The following OLFML2B variants were observed in gnomAD, a reference collection of about 807,000 sequenced individuals.
The protein encoded by OLFML2B is olfactomedin like 2B.
In OLFML2B, 57 loss-of-function variants were observed where a neutral mutation model predicts 74.9. That is an observed-to-expected ratio of 0.76 (90% CI 0.61 to 0.95). OLFML2B has a LOEUF of 0.95. Among genes scored for constraint, OLFML2B ranks in the 40% least tolerant of loss-of-function variants. The pLI, the probability that OLFML2B is intolerant of heterozygous loss-of-function variation, is 0.00. For synonymous variants in OLFML2B, 388 were observed against 405.8 expected (o/e 0.96, Z 0.53); for missense variants, 986 against 970.6 (o/e 1.02, Z -0.21).
At chr1:162,002,011 G>C (rs193212912) in intron 4 of OLFML2B, among the ~76,000 whole-genome samples, 2 of 152,332 alleles carry the variant, frequency 1.3e-5, no homozygotes, top group East Asian at 1.9e-4. Flanking sequence ...GCTGCCCAAG[G>C]AGGAGCCCCT....
intron 4 of OLFML2B, 52 bp downstream of exon 4, chr1:162,006,245 T>C (rs1419662065): frequency 2.0e-6 from 3 of 1,478,926 alleles, no homozygotes; most frequent in Admixed American, 4.9e-5. Context: ...GAGATGCTGA[T>C]ATCACACTTC....
At chr1:161,994,180 G>A (rs992931700) in intron 6 of OLFML2B, among the ~76,000 whole-genome samples, 1 of 152,234 alleles carries the variant, frequency 6.6e-6, no homozygotes, top group Non-Finnish European at 1.5e-5. Context: ...TGTGGAGCTG[G>A]GGCTGGGGGA....
At chr1:161,988,085 C>T (rs1407378778) in intron 6 of OLFML2B, among the ~76,000 whole-genome samples, 1 of 152,184 alleles carries the variant, frequency 6.6e-6, no homozygotes, top group East Asian at 1.9e-4. Flanking sequence ...GGAGAAAGTT[C>T]AAAGGAACTG....
chr1:161,986,060 T>C (rs1010801229), intron 6 of OLFML2B, among the ~76,000 whole-genome samples: 5 of 152,150 alleles, frequency 3.3e-5, no homozygotes, highest in Non-Finnish European at 5.9e-5. Context: ...TTGTGGATTA[T>C]GGAGGAGGTG....
chr1:162,017,778 T>C (rs1690586187), intron 2 of OLFML2B, among the ~76,000 whole-genome samples: 1 of 152,230 alleles, frequency 6.6e-6, no homozygotes. Flanking sequence ...AAACTGTTTA[T>C]ACCTCTTTTA....
intron 3 of OLFML2B, among the ~76,000 whole-genome samples, chr1:162,011,361 G>T (rs34415944): frequency 8.3e-4 from 127 of 152,308 alleles, no homozygotes; most frequent in Admixed American, 2.9e-3. Context: ...TGGACCCAAG[G>T]GGGGAGGGCT....
intron 6 of OLFML2B, among the ~76,000 whole-genome samples, chr1:161,996,969 G>A (rs928328655): frequency 1.6e-4 from 24 of 152,112 alleles, no homozygotes; most frequent in African/African-American, 5.6e-4. Flanking sequence ...CATCCTGGCT[G>A]ACATGGTGAA....
intron 3 of OLFML2B, among the ~76,000 whole-genome samples, chr1:162,011,365 G>T (rs1177526135): frequency 3.9e-5 from 6 of 152,188 alleles, no homozygotes; most frequent in Admixed American, 3.9e-4. Flanking sequence ...CCCAAGGGGG[G>T]AGGGCTCGTA....
At chr1:162,013,891 A>AACAC (rs59665350) in intron 3 of OLFML2B, among the ~76,000 whole-genome samples, 186 of 143,244 alleles carry the variant, frequency 1.3e-3, no homozygotes, top group African/African-American at 3.6e-3. Context: ...AAAAAAGCCC[A>AACAC]ACACACACAC....
rs533765785 is a variant in OLFML2B, at chr1:162,006,679, G to A, written c.547-206C>T. 1.2e-4 allele frequency among the ~76,000 whole-genome samples: 18 copies of A among 152,232 alleles called. 1 individual carries two copies. The South Asian group carries it at 2.1e-3, about 18-fold the overall frequency. ...GGCAGTATTTCCAGGGCAGCTCAGC[G>A]CTTGGATATCCAACTACAGAAAATA... On this transcript the variant is annotated intron_variant, in intron 3 of 7. Transcript: ENST00000294794.
At chr1:162,017,312 A>G in intron 3 of OLFML2B, 88 bp downstream of exon 3, 1 of 929,060 alleles carries the variant, frequency 1.1e-6, no homozygotes, top group South Asian at 1.4e-5. Flanking sequence ...TAGTCAGCAC[A>G]TGTGCTAGCT....
At chr1:162,017,236 T>G (rs755987058) in intron 3 of OLFML2B, among the ~76,000 whole-genome samples, 164 bp downstream of exon 3, 45 of 152,234 alleles carry the variant, frequency 3.0e-4, no homozygotes, top group Non-Finnish European at 5.4e-4. Context: ...CACCAACAAT[T>G]TGGCATAATT....
intron 3 of OLFML2B, among the ~76,000 whole-genome samples, chr1:162,014,770 C>T (rs980293099): frequency 1.3e-5 from 2 of 152,198 alleles, no homozygotes; most frequent in Non-Finnish European, 1.5e-5. Context: ...CACTTCAGCA[C>T]CCTATCACCT....
chr1:162,012,264 G>T (rs896045463), intron 3 of OLFML2B, among the ~76,000 whole-genome samples: 1 of 152,154 alleles, frequency 6.6e-6, no homozygotes, highest in Non-Finnish European at 1.5e-5. Flanking sequence ...GAAAGGTAGG[G>T]CTTGGAAAGA....
At chr1:161,989,551 G>A (rs999847803) in intron 6 of OLFML2B, among the ~76,000 whole-genome samples, 7 of 152,168 alleles carry the variant, frequency 4.6e-5, no homozygotes, top group Admixed American at 1.3e-4. Context: ...GGTATTCACC[G>A]TAAACCCAGG....
intron 6 of OLFML2B, among the ~76,000 whole-genome samples, chr1:161,986,982 A>G (rs1330256576): frequency 6.6e-6 from 1 of 152,240 alleles, no homozygotes; most frequent in Non-Finnish European, 1.5e-5. Context: ...TCGTCTGTGC[A>G]GCTCCAGCAG....
Position 161,998,262 on chromosome 1 carries a change from G to A in OLFML2B, c.1037C>T (p.Thr346Ile), listed in dbSNP as rs1429007720. 1.9e-6 allele frequency: 3 copies of A among 1,609,034 alleles called. No individual in the cohort carries two copies. The highest frequency in any genetic ancestry group is 3.3e-5 in the Admixed American group (2 of 59,912). Residue 346 changes from threonine to isoleucine, a missense_variant, in exon 6 of 8, where the codon ACC becomes ATC. Coordinates refer to ENST00000294794, the MANE Select transcript of OLFML2B (RefSeq NM_015441.3). The part of the protein sequence containing the change: ...LRHNGLMTSV[T>I]RRPAATRQGH... ...CTGACGGGTGGCTGCAGGCCTCCGGGTGACACTGGTCATCAGGCCGTTGTG... is the reference window on the plus strand; with the variant it reads ...CTGACGGGTGGCTGCAGGCCTCCGGATGACACTGGTCATCAGGCCGTTGTG...
In OLFML2B at chr1:161,984,975, A is replaced by C; in HGVS notation, c.1480T>G (p.Cys494Gly). 2 of 1,591,222 alleles carry C rather than the reference A, an allele frequency of 1.3e-6. No individual in the cohort carries two copies. Among genetic ancestry groups the C allele is most frequent in the African/African-American group, 2.8e-5 (2 of 70,256 alleles). Residue 494 changes from cysteine (C) to glycine (G), a missense_variant, in exon 7 of 8, where the codon TGC becomes GGC. Coordinates refer to ENST00000294794, the MANE Select transcript of OLFML2B (RefSeq NM_015441.3). ...GTGATTGTGGAGAGAGTGTCCTTGC[A>C]CCTTCCTGGTGGAGAAGAGGTGGAT... ...EDDIRNVIGRCKDTLSTITGP... is the reference protein window; with the variant it reads ...EDDIRNVIGRGKDTLSTITGP...
intron 4 of OLFML2B, among the ~76,000 whole-genome samples, chr1:162,004,107 C>G (rs1436245125): frequency 6.6e-6 from 1 of 152,216 alleles, no homozygotes; most frequent in African/African-American, 2.4e-5. Context: ...CAGATGCACT[C>G]TTAAGCTCAG....
Sources: allele counts gnomAD v4.1 joint callset (sites outside exome capture counted in the v4.1 genomes callset), GRCh38; gene constraint gnomAD v4.1.1; transcripts MANE v1.5; gene names NCBI Gene and HGNC (gene_info 2026-07-23, HGNC 2026-07-21).